The following GARNL3 variants were observed in gnomAD, a reference collection of about 807,000 sequenced individuals.
GARNL3 encodes GTPase-activating Rap/Ran-GAP domain-like protein 3.
A neutral mutation model predicts 125.0 loss-of-function variants in GARNL3; 63 were observed. The ratio of observed to expected loss-of-function variants is 0.50; its 90% CI spans 0.41 to 0.62. The LOEUF (loss-of-function observed/expected upper bound fraction) is 0.62. GARNL3 is among the 20% of genes least tolerant of loss of function. The pLI is 0.00. For missense variants in GARNL3, 994 were observed against 1,244.0 expected, an observed-to-expected ratio of 0.80 and a Z score of 3.02; for synonymous variants, 439 against 457.5, an observed-to-expected ratio of 0.96 and a Z score of 0.52.
Position 127,244,999 on chromosome 9 carries a change from GAGGGAACCCAGGGCGTC to G in GARNL3, c.143+1753_143+1769del, listed in dbSNP as rs546833558. On this transcript the variant is annotated intron_variant, in intron 2 of 10. Transcript: ENST00000439286. ...GACCCCAGCGCACTGCAGAGGACGG[GAGGGAACCCAGGGCGTC>G]AGTTCCAAAGGTGGGGCGGGTGGGT... 1.5e-3 allele frequency among the ~76,000 whole-genome samples: 225 copies of G among 152,310 alleles called. 1 individual carries two copies. Among genetic ancestry groups the G allele is most frequent in the African/African-American group, 5.0e-3 (206 of 41,562 alleles).
At chr9:127,370,970 C>T (rs1032482026) in intron 22 of GARNL3, among the ~76,000 whole-genome samples, 1 of 152,228 alleles carries the variant, frequency 6.6e-6, no homozygotes, top group African/African-American at 2.4e-5. Context: ...GCACCTCGGA[C>T]TCAACCTGTC....
chr9:127,267,333 T>C (rs1054267134), intron 1 of GARNL3, among the ~76,000 whole-genome samples: 2 of 152,216 alleles, frequency 1.3e-5, no homozygotes, highest in South Asian at 2.1e-4. Context: ...TTCATCTCCT[T>C]GTGGTACCTT....
chr9:127,373,388 A>T (rs1026250893), intron 22 of GARNL3, among the ~76,000 whole-genome samples: 1 of 152,210 alleles, frequency 6.6e-6, no homozygotes, highest in African/African-American at 2.4e-5. Context: ...GTGGTGCTAT[A>T]ACTTTAAGTG....
chr9:127,368,632 G>A (rs901851109), intron 22 of GARNL3, among the ~76,000 whole-genome samples: 5 of 146,190 alleles, frequency 3.4e-5, no homozygotes, highest in African/African-American at 1.2e-4. Flanking sequence ...TGCCCACCCC[G>A]AAATGCATTT....
chr9:127,342,130 A>G (rs1316837286), intron 13 of GARNL3, 89 bp from the exon 14 acceptor site: 1 of 894,082 alleles, frequency 1.1e-6, no homozygotes. Flanking sequence ...TCACAGAACT[A>G]AAGAAAAGAA....
intron 2 of GARNL3, among the ~76,000 whole-genome samples, chr9:127,308,558 A>T (rs1007669087): frequency 1.3e-5 from 2 of 152,228 alleles, no homozygotes; most frequent in African/African-American, 4.8e-5. Context: ...AAAAAAAAAA[A>T]TAGTGACAGT....
intron 16 of GARNL3, among the ~76,000 whole-genome samples, chr9:127,347,840 AC>A (rs1830222085): frequency 6.6e-6 from 1 of 152,196 alleles, no homozygotes; most frequent in African/African-American, 2.4e-5. Context: ...TTAGAACATC[AC>A]AAGTTCCATC....
At chr9:127,236,230 G>C (rs2063110198) in intron 1 of GARNL3, among the ~76,000 whole-genome samples, 1 of 152,206 alleles carries the variant, frequency 6.6e-6, no homozygotes, top group Admixed American at 6.5e-5. Flanking sequence ...ATGGCTTACT[G>C]TAAGGAGCAG....
Position 127,373,503 on chromosome 9 carries a change from G to A in GARNL3, c.2161+8137G>A, listed in dbSNP as rs181309551. ...AAATCAGCCGGGTCCGATGGCTCAC[G>A]CCTGTTTTCCCAGCACTTTGGGAGG... On this transcript the variant is annotated intron_variant, in intron 22 of 27. Transcript: ENST00000373387. Among the ~76,000 whole-genome samples, 26 of 152,326 alleles carry A rather than the reference G, an allele frequency of 1.7e-4. No individual in the cohort carries two copies. In the East Asian group the frequency reaches 2.7e-3, roughly 16 times the overall value.
intron 27 of GARNL3, 59 bp downstream of exon 27, chr9:127,390,826 C>G (rs1564206777): frequency 9.1e-6 from 14 of 1,541,472 alleles, no homozygotes; most frequent in Non-Finnish European, 1.2e-5. Context: ...CAGCACTGCC[C>G]AGGAGGCCCC....
At chr9:127,361,787 C>T (rs1223669309) in intron 21 of GARNL3, 1 of 152,180 alleles carries the variant, frequency 6.6e-6, no homozygotes, top group Non-Finnish European at 1.5e-5. Context: ...CCAAGTACCC[C>T]CCTGGTGTCT....
At chr9:127,358,584 C>G (rs1050183215) in intron 21 of GARNL3, among the ~76,000 whole-genome samples, 6 of 152,162 alleles carry the variant, frequency 3.9e-5, no homozygotes, top group African/African-American at 1.4e-4. Flanking sequence ...CTAATTAGAG[C>G]AAGATTTTAA....
chr9:127,310,503 C>G (rs778647205), intron 2 of GARNL3, among the ~76,000 whole-genome samples: 20 of 151,998 alleles, frequency 1.3e-4, no homozygotes, highest in Non-Finnish European at 2.5e-4. Context: ...TTATACAGGC[C>G]AGGCGTAGTG....
intron 2 of GARNL3, among the ~76,000 whole-genome samples, chr9:127,297,056 G>A (rs919150599): frequency 3.3e-5 from 5 of 152,136 alleles, no homozygotes; most frequent in African/African-American, 1.2e-4. Context: ...CCCTAAAGCA[G>A]TTAATTCCAT....
At chr9:127,267,280 T>C (rs896361246) in intron 1 of GARNL3, among the ~76,000 whole-genome samples, 4 of 152,198 alleles carry the variant, frequency 2.6e-5, no homozygotes, top group Non-Finnish European at 4.4e-5. Context: ...ATTTTAAATA[T>C]ATTTAAAAAT....
chr9:127,372,785 G>T (rs1253210674), intron 22 of GARNL3, among the ~76,000 whole-genome samples: 1 of 152,130 alleles, frequency 6.6e-6, no homozygotes, highest in Non-Finnish European at 1.5e-5. Flanking sequence ...CCCAGATAAT[G>T]CAAGAAACAG....
chr9:127,334,079 A>G (rs1829415605), intron 9 of GARNL3, among the ~76,000 whole-genome samples: 1 of 152,180 alleles, frequency 6.6e-6, no homozygotes, highest in Non-Finnish European at 1.5e-5. Flanking sequence ...AAGAGGAGAC[A>G]GTACTTGAAG....
chr9:127,263,079 G>A (rs768480689), upstream of GARNL3, among the ~76,000 whole-genome samples: 9 of 152,244 alleles, frequency 5.9e-5, no homozygotes, highest in Non-Finnish European at 1.2e-4. Flanking sequence ...GGAAGAGAAG[G>A]CAACACATAG....
At position 127,384,905 on chromosome 9, in the gene GARNL3, A is replaced by T. The variant is rs900549345; in HGVS notation, c.2270-122A>T. ...ACTTGCACATGTGAAGGAAGGAGAG[A>T]AGCAGCCAGAGGAATGAGAGATGGA... On this transcript the variant is annotated intron_variant, in intron 23 of 27. Coordinates refer to ENST00000373387, the MANE Select transcript of GARNL3 (RefSeq NM_032293.5). This position sits in a 1 kb window ranked among gnomAD's most constrained non-coding sequence, Gnocchi z 4.0. 9 of 569,264 alleles carry T rather than the reference A, an allele frequency of 1.6e-5. No individual in the cohort carries two copies. The highest frequency in any genetic ancestry group is 2.2e-5 in the Non-Finnish European group (7 of 316,592). 35.3% of individuals were successfully genotyped at this position (569,264 alleles called of 1,614,324 possible). A position where few individuals can be genotyped will look rare whatever the true frequency, so the allele number is the denominator to read the frequency against.
Sources: allele counts gnomAD v4.1 joint callset (sites outside exome capture counted in the v4.1 genomes callset), GRCh38; gene constraint gnomAD v4.1.1; non-coding constraint Gnocchi (gnomAD v3.1); transcripts MANE v1.5; gene names NCBI Gene and HGNC (gene_info 2026-07-23, HGNC 2026-07-21).